The following SMPDL3A variants were observed in gnomAD, a reference collection of about 807,000 sequenced individuals.
SMPDL3A encodes sphingomyelin phosphodiesterase acid like 3A, also known as cyclic GMP-AMP phosphodiesterase SMPDL3A.
A neutral mutation model predicts 38.5 loss-of-function variants in SMPDL3A; 39 were observed. The ratio of observed to expected loss-of-function variants is 1.01; its 90% CI spans 0.78 to 1.32. The LOEUF is 1.32. SMPDL3A is among the 40% of genes most tolerant of loss of function. SMPDL3A has a pLI of 0.00. For missense variants in SMPDL3A, 502 were observed against 536.2 expected, an observed-to-expected ratio of 0.94 and a Z score of 0.63; for synonymous variants, 180 against 194.3, an observed-to-expected ratio of 0.93 and a Z score of 0.61.
chr6:122,804,539 G>A (rs754157820), intron 5 of SMPDL3A, among the ~76,000 whole-genome samples: 1 of 151,106 alleles, frequency 6.6e-6, no homozygotes, highest in South Asian at 2.1e-4. Flanking sequence ...TCGAACTCTG[G>A]GGGGCTCGAA....
intron 1 of SMPDL3A, among the ~76,000 whole-genome samples, chr6:122,790,709 T>C (rs1781051296): frequency 6.6e-6 from 1 of 152,158 alleles, no homozygotes; most frequent in African/African-American, 2.4e-5. Flanking sequence ...TGTATACTGG[T>C]TTCTGCTTTT....
At position 122,809,211 on chromosome 6, in the gene SMPDL3A, T is replaced by C. The variant is rs1781768816; in HGVS notation, c.1165T>C (p.Tyr389His). The C allele has an allele frequency of 1.2e-6, 2 of 1,614,078 alleles. No individual in the cohort carries two copies. Among genetic ancestry groups the C allele is most frequent in the African/African-American group, 2.7e-5 (2 of 74,936 alleles). ...TGAAGATTTGCAGCCGGAAAGTTTA[T>C]ATGGATTAGCTAAACAATTTACAAT... is the stretch of plus-strand genomic sequence containing the variant. ...DIEDLQPESL[Y>H]GLAKQFTILD... The change falls in exon 8 of 8, where the codon TAT (tyrosine) becomes CAT (histidine). Residue 389 changes from tyrosine to histidine, a missense_variant. Physicochemically the swap from Tyr to His is moderately conservative, Grantham distance 83. Coordinates refer to ENST00000368440, the MANE Select transcript of SMPDL3A (RefSeq NM_006714.5).
intron 6 of SMPDL3A, among the ~76,000 whole-genome samples, chr6:122,805,571 A>G (rs983399098): frequency 1.3e-5 from 2 of 152,214 alleles, no homozygotes; most frequent in Non-Finnish European, 2.9e-5. Flanking sequence ...AATGATACAA[A>G]CAAACCTCCT....
intron 7 of SMPDL3A, 151 bp from the exon 8 acceptor site, chr6:122,808,940 T>A: frequency 3.2e-6 from 2 of 625,884 alleles, no homozygotes; most frequent in Non-Finnish European, 5.5e-6. Context: ...GTAACCCACC[T>A]GCCTCAGCCT....
At chr6:122,794,684 C>T (rs898162654) in intron 1 of SMPDL3A, among the ~76,000 whole-genome samples, 7 of 152,122 alleles carry the variant, frequency 4.6e-5, no homozygotes, top group African/African-American at 1.7e-4. Context: ...CCTAAAAACC[C>T]AATGGAAGCA....
In SMPDL3A at chr6:122,806,302, C is replaced by G. The variant is rs184267376; in HGVS notation, c.989C>G (p.Thr330Ser). 6.2e-7 allele frequency: 1 copy of G among 1,613,296 alleles called. No individual in the cohort carries two copies. Among genetic ancestry groups the G allele is most frequent in the Admixed American group, 1.7e-5 (1 of 59,986 alleles). Residue 330 changes from threonine (T) to serine (S), a missense_variant, in exon 7 of 8, where the codon ACC (threonine) becomes AGC (serine). Thr to Ser is a moderately conservative substitution (Grantham distance 58, BLOSUM62 1). Coordinates refer to ENST00000368440, the MANE Select transcript of SMPDL3A (RefSeq NM_006714.5). ...TPVKSVLEKQ[T>S]NNPGIRLFQY... Reference sequence around the variant, plus strand: ...GTGAAGAGTGTTTTAGAAAAACAGACCAACAATCCTGGTATCAGACTGTTT... The same window carrying G: ...GTGAAGAGTGTTTTAGAAAAACAGAGCAACAATCCTGGTATCAGACTGTTT...
chr6:122,793,662 T>C (rs1179853521), intron 1 of SMPDL3A, among the ~76,000 whole-genome samples: 1 of 152,236 alleles, frequency 6.6e-6, no homozygotes, highest in African/African-American at 2.4e-5. Flanking sequence ...TTGACCATAC[T>C]ACTACTTTCT....
At position 122,796,940 on chromosome 6, in the gene SMPDL3A, C is replaced by T. The variant is rs765554191; in HGVS notation, c.443C>T (p.Ala148Val). Residue 148 changes from alanine (A) to valine (V), a missense_variant, in exon 3 of 8, where the codon GCG (alanine) becomes GTG (valine). By Grantham distance (64) the Ala-to-Val change is moderately conservative. Transcript: ENST00000368440. ...TTTCCAAATCTCCAGGTTTTCCCTG[C>T]GCTGGGTAATCATGACTATTGGCCA... ...SLFPNLQVFP[A>V]LGNHDYWPQD... 2.6e-5 allele frequency: 42 copies of T among 1,613,346 alleles called. No individual in the cohort carries two copies. The highest frequency in any genetic ancestry group is 3.3e-5 in the Non-Finnish European group (39 of 1,179,600).
At chr6:122,801,795 A>T (rs1781436692) in intron 4 of SMPDL3A, among the ~76,000 whole-genome samples, 1 of 152,232 alleles carries the variant, frequency 6.6e-6, no homozygotes, top group Non-Finnish European at 1.5e-5. Context: ...TAAAGTGAGG[A>T]TAACTAAGCT....
intron 3 of SMPDL3A, among the ~76,000 whole-genome samples, chr6:122,798,375 G>A (rs1159572918): frequency 6.6e-6 from 1 of 152,166 alleles, no homozygotes; most frequent in Non-Finnish European, 1.5e-5. Context: ...TAGGTGGCAG[G>A]AAGACTGGAA....
At position 122,801,171 on chromosome 6, in the gene SMPDL3A, C is replaced by T. The variant is rs966304953; in HGVS notation, c.472-139C>T. ...CCCAGTCTCCAACTAAGTTATAATTCCTTGAAGATGAAGTCTATCTAATAA... is the reference window on the plus strand; with the variant it reads ...CCCAGTCTCCAACTAAGTTATAATTTCTTGAAGATGAAGTCTATCTAATAA... On this transcript the variant is annotated intron_variant, in intron 3 of 7. Transcript: ENST00000368440. The T allele has an allele frequency of 1.3e-5, 8 of 639,986 alleles. No individual in the cohort carries two copies. The African/African-American group carries it at 1.3e-4, about 10-fold the overall frequency. The allele number at this position is 639,986 out of a possible 1,614,324, so 39.6% of individuals were successfully genotyped here.
intron 1 of SMPDL3A, among the ~76,000 whole-genome samples, chr6:122,790,833 C>A (rs145578908): frequency 2.0e-5 from 3 of 152,110 alleles, no homozygotes; most frequent in Non-Finnish European, 4.4e-5. Flanking sequence ...TTTAAAGAGG[C>A]CTGAATGAGC....
chr6:122,801,964 G>C (rs1035195978), intron 4 of SMPDL3A, among the ~76,000 whole-genome samples: 1 of 152,170 alleles, frequency 6.6e-6, no homozygotes, highest in African/African-American at 2.4e-5. Flanking sequence ...GTGTGCAGCT[G>C]TTAAACTAAG....
At chr6:122,793,311 C>T (rs1035772291) in intron 1 of SMPDL3A, among the ~76,000 whole-genome samples, 1 of 152,090 alleles carries the variant, frequency 6.6e-6, no homozygotes, top group Non-Finnish European at 1.5e-5. Flanking sequence ...TTATTATTCC[C>T]ATTTCATCAA....
chr6:122,806,037 A>C (rs534957998), intron 6 of SMPDL3A, among the ~76,000 whole-genome samples, 196 bp from the exon 7 acceptor site: 1 of 152,326 alleles, frequency 6.6e-6, no homozygotes, highest in African/African-American at 2.4e-5. Flanking sequence ...ATCAACAATA[A>C]TTATCTGGTA....
chr6:122,806,760 C>G lies in SMPDL3A; in HGVS notation c.1044+403C>G, dbSNP rs59276078. ...CATTATTTCTAAACTTTTCTGTGTCCCAGTCTATTTCTCCATGAAATGGGA... is the reference window on the plus strand; with the variant it reads ...CATTATTTCTAAACTTTTCTGTGTCGCAGTCTATTTCTCCATGAAATGGGA... On this transcript the variant is annotated intron_variant, in intron 7 of 7. Coordinates refer to ENST00000368440, the MANE Select transcript of SMPDL3A (RefSeq NM_006714.5). Among the ~76,000 whole-genome samples, 936 of 152,130 alleles carry G rather than the reference C, an allele frequency of 6.2e-3. 8 individuals are homozygous for G. Among genetic ancestry groups the G allele is most frequent in the African/African-American group, 0.021 (883 of 41,504 alleles).
intron 3 of SMPDL3A, among the ~76,000 whole-genome samples, chr6:122,799,535 T>C (rs932975723): frequency 2.6e-5 from 4 of 152,218 alleles, no homozygotes; most frequent in African/African-American, 9.6e-5. Flanking sequence ...CCAAAGTAAA[T>C]AAATGGCCAA....
chr6:122,802,929 A>G (rs767746148), intron 4 of SMPDL3A, among the ~76,000 whole-genome samples: 2 of 152,176 alleles, frequency 1.3e-5, no homozygotes, highest in Non-Finnish European at 2.9e-5. Context: ...ATAACTTCTG[A>G]CAAATTCAAA....
rs900041548 is a variant in SMPDL3A at position 122,796,910 on chromosome 6, G to T, written c.413G>T (p.Ser138Ile). The change falls in exon 3 of 8, where the codon AGT becomes ATT. Residue 138 changes from serine to isoleucine, a missense_variant. Coordinates refer to ENST00000368440, the MANE Select transcript of SMPDL3A (RefSeq NM_006714.5). ...VITNMTTTIQ[S>I]LFPNLQVFPA... ...ACTAATATGACAACCACCATCCAGA[G>T]TCTCTTTCCAAATCTCCAGGTTTTC... is the stretch of plus-strand genomic sequence containing the variant. 26 of 1,613,302 alleles carry T rather than the reference G, an allele frequency of 1.6e-5. No individual in the cohort carries two copies. Among genetic ancestry groups the T allele is most frequent in the Non-Finnish European group, 2.2e-5 (26 of 1,179,486 alleles).
Sources: gnomAD v4.1 joint callset for allele counts (sites outside exome capture counted in the v4.1 genomes callset) on GRCh38, gnomAD v4.1.1 for gene constraint, MANE v1.5 for transcripts, NCBI Gene and HGNC (gene_info 2026-07-23, HGNC 2026-07-21) for gene names.